The following TPRG1 variants were observed in gnomAD, a reference collection of about 807,000 sequenced individuals.
TPRG1 encodes the protein tumor protein p63-regulated gene 1 protein.
A neutral mutation model predicts 29.3 loss-of-function variants in TPRG1; 29 were observed. The observed-to-expected ratio is 0.99, with a 90% CI of 0.74 to 1.35. TPRG1 has a LOEUF of 1.35. Among genes scored for constraint, TPRG1 ranks in the 40% most tolerant of loss-of-function variants. TPRG1 has a pLI of 0.00. For missense variants in TPRG1, 327 were observed against 335.0 expected (o/e 0.98, Z 0.19); for synonymous variants, 130 against 116.8 (o/e 1.11, Z -0.73).
At chr3:189,026,879 T>C (rs748085784) in intron 4 of TPRG1, among the ~76,000 whole-genome samples, 3 of 152,098 alleles carry the variant, frequency 2.0e-5, no homozygotes, top group Non-Finnish European at 4.4e-5. Flanking sequence ...CAACATGGCG[T>C]GTTTGTTGAG....
intron 4 of TPRG1, among the ~76,000 whole-genome samples, chr3:189,089,283 A>G (rs1485249580): frequency 6.6e-6 from 1 of 152,116 alleles, no homozygotes; most frequent in Non-Finnish European, 1.5e-5. Flanking sequence ...TATTTTTTCA[A>G]TCTTCTCTTC....
At chr3:189,022,797 C>A (rs1009815976) in intron 3 of TPRG1, among the ~76,000 whole-genome samples, 2 of 152,282 alleles carry the variant, frequency 1.3e-5, no homozygotes, top group African/African-American at 4.8e-5. Flanking sequence ...CTAATCAAGC[C>A]GGGGCAATGG....
intron 4 of TPRG1, among the ~76,000 whole-genome samples, chr3:189,089,273 T>A (rs557054926): frequency 6.6e-6 from 1 of 152,338 alleles, no homozygotes; most frequent in South Asian, 2.1e-4. Context: ...ATACTCTGAT[T>A]ATTTTTTCAA....
chr3:189,291,668 T>C (rs974239594), intron 4 of TPRG1, among the ~76,000 whole-genome samples: 1 of 152,252 alleles, frequency 6.6e-6, no homozygotes, highest in Non-Finnish European at 1.5e-5. Flanking sequence ...ATTCTTAATC[T>C]GAGAAGCCAA....
chr3:189,025,768 G>T (rs1021673790), intron 4 of TPRG1, among the ~76,000 whole-genome samples: 3 of 152,186 alleles, frequency 2.0e-5, no homozygotes, highest in African/African-American at 7.2e-5. Flanking sequence ...GGGTATAAGA[G>T]AATGTTGTCT....
intron 3 of TPRG1, among the ~76,000 whole-genome samples, chr3:189,236,423 A>T (rs1410546416): frequency 2.0e-5 from 3 of 152,190 alleles, no homozygotes; most frequent in African/African-American, 7.2e-5. Context: ...TAGATATCTG[A>T]TAAGAAATTT....
intron 4 of TPRG1, among the ~76,000 whole-genome samples, chr3:189,301,193 AGAGGCT>A (rs1720773522): frequency 6.6e-6 from 1 of 150,866 alleles, no homozygotes; most frequent in African/African-American, 2.4e-5. Flanking sequence ...CAGCTACTCA[AGAGGCT>A]GAGGCAGGAG....
At chr3:189,006,761 G>A (rs1199174741) in intron 3 of TPRG1, among the ~76,000 whole-genome samples, 7 of 152,054 alleles carry the variant, frequency 4.6e-5, no homozygotes, top group Non-Finnish European at 8.8e-5. Flanking sequence ...TTCTAAGTCA[G>A]GGGTGAGCAA....
intron 4 of TPRG1, among the ~76,000 whole-genome samples, chr3:189,082,135 A>G (rs34392415): frequency 6.6e-6 from 1 of 152,250 alleles, no homozygotes; most frequent in Non-Finnish European, 1.5e-5. Flanking sequence ...AGAGGGACAC[A>G]CAAGGTGAAA....
chr3:189,105,027 C>A (rs914167255), intron 1 of TPRG1, among the ~76,000 whole-genome samples: 1 of 152,154 alleles, frequency 6.6e-6, no homozygotes, highest in African/African-American at 2.4e-5. Flanking sequence ...TAAACTCATA[C>A]TGAGAAATGC....
chr3:189,270,710 G>A (rs936615413), intron 4 of TPRG1, among the ~76,000 whole-genome samples: 1 of 152,166 alleles, frequency 6.6e-6, no homozygotes, highest in African/African-American at 2.4e-5. Context: ...ATATGTCATT[G>A]TGACTTCAAA....
chr3:189,142,706 A>G (rs990342773), intron 3 of TPRG1, among the ~76,000 whole-genome samples: 1 of 152,184 alleles, frequency 6.6e-6, no homozygotes, highest in African/African-American at 2.4e-5. Context: ...AAAGGTGTGA[A>G]GGATGAATCA....
At chr3:189,121,245 C>T (rs1167401615) in intron 1 of TPRG1, 2 of 152,164 alleles carry the variant, frequency 1.3e-5, no homozygotes, top group African/African-American at 4.8e-5. Flanking sequence ...GCCCTTGTGG[C>T]AGAGACAATG....
chr3:189,114,308 G>C (rs899978591), intron 1 of TPRG1, among the ~76,000 whole-genome samples: 5 of 151,732 alleles, frequency 3.3e-5, no homozygotes, highest in African/African-American at 1.2e-4. Context: ...TTAAGATGGA[G>C]TCTCCCTCTT....
At chr3:189,255,837 G>C (rs1465099051) in intron 4 of TPRG1, among the ~76,000 whole-genome samples, 1 of 152,126 alleles carries the variant, frequency 6.6e-6, no homozygotes, top group East Asian at 1.9e-4. Flanking sequence ...TTCTCTGATG[G>C]TAGTTTGTAT....
At chr3:189,306,369 T>C (rs1453486997) in intron 4 of TPRG1, among the ~76,000 whole-genome samples, 2 of 152,162 alleles carry the variant, frequency 1.3e-5, no homozygotes, top group Admixed American at 6.5e-5. Flanking sequence ...ATCTTACATA[T>C]GAAAACATTG....
intron 4 of TPRG1, among the ~76,000 whole-genome samples, chr3:189,040,730 CA>C (rs1247794241): frequency 6.6e-6 from 1 of 152,170 alleles, no homozygotes; most frequent in Non-Finnish European, 1.5e-5. Flanking sequence ...CCCTTACTCT[CA>C]AAGTCTTAAA....
chr3:189,102,261 T>A (rs977624222), intron 1 of TPRG1, among the ~76,000 whole-genome samples: 3 of 152,166 alleles, frequency 2.0e-5, no homozygotes, highest in Admixed American at 1.3e-4. Context: ...AGTTTCTACC[T>A]CCTAGGGCTG....
At chr3:189,234,468 G>A (rs1341335257) in intron 3 of TPRG1, among the ~76,000 whole-genome samples, 1 of 152,164 alleles carries the variant, frequency 6.6e-6, no homozygotes, top group African/African-American at 2.4e-5. Flanking sequence ...AAAATCGGAA[G>A]GATACCGCAG....
Sources: allele counts gnomAD v4.1 joint callset (sites outside exome capture counted in the v4.1 genomes callset), GRCh38; gene constraint gnomAD v4.1.1; transcripts MANE v1.5; gene names NCBI Gene and HGNC (gene_info 2026-07-23, HGNC 2026-07-21).